TMEM232: variants seen among roughly 807,000 people sequenced by gnomAD.
The protein encoded by TMEM232 is transmembrane protein 232.
TMEM232 carries 80 observed loss-of-function variants against 78.8 expected under a neutral mutation model. That is an observed-to-expected ratio of 1.01 (90% confidence interval 0.85 to 1.22). The LOEUF is 1.22. Ranked by LOEUF, TMEM232 falls within the 50% of genes most tolerant of loss-of-function variation. The pLI, the probability that TMEM232 is intolerant of heterozygous loss-of-function variation, is 0.00. For missense variants in TMEM232, 881 were observed against 742.2 expected (o/e 1.19, Z -2.17); for synonymous variants, 297 against 254.3 (o/e 1.17, Z -1.60).
intron 2 of TMEM232, among the ~76,000 whole-genome samples, chr5:110,658,657 G>C (rs186045630): frequency 3.7e-4 from 57 of 152,202 alleles, no homozygotes; most frequent in Non-Finnish European, 6.6e-4. Flanking sequence ...TCTGTAAGAA[G>C]CCCACTTAGA....
At chr5:110,677,242 T>A (rs1414389710) in intron 1 of TMEM232, among the ~76,000 whole-genome samples, 1 of 140,906 alleles carries the variant, frequency 7.1e-6, no homozygotes, top group Non-Finnish European at 1.5e-5. Flanking sequence ...AATTGTCTAA[T>A]TTTTTTTTTC....
At chr5:110,550,911 A>G (rs1346423517) in intron 11 of TMEM232, among the ~76,000 whole-genome samples, 1 of 150,908 alleles carries the variant, frequency 6.6e-6, no homozygotes, top group Non-Finnish European at 1.5e-5. Flanking sequence ...AATCTAGAAC[A>G]GGGTTTGGCA....
At chr5:110,541,001 G>A (rs1773034248) in intron 11 of TMEM232, among the ~76,000 whole-genome samples, 1 of 152,130 alleles carries the variant, frequency 6.6e-6, no homozygotes, top group African/African-American at 2.4e-5. Context: ...AGAAGCCAAA[G>A]GCACAACCTT....
In TMEM232 at chr5:110,628,662, AGTGTGTGT is replaced by A. The variant is rs146531604; in HGVS notation, c.502-790_502-783del. On this transcript the variant is annotated intron_variant, in intron 5 of 13. Transcript: ENST00000455884. ...ATAACAGCAATAGCTGTCAGTATCC[AGTGTGTGT>A]GTGTGTGTGTGTGTGTGTGTGTGTG... is the stretch of plus-strand genomic sequence containing the variant. Among the ~76,000 whole-genome samples the A allele has an allele frequency of 7.0e-3, 987 of 140,808 alleles. 9 individuals are homozygous for A. The highest frequency in any genetic ancestry group is 0.024 in the African/African-American group (891 of 37,276). 92.4% of individuals were successfully genotyped at this position (140,808 alleles called of 152,430 possible).
At chr5:110,610,254 G>GGGAGGAAGGAAGGAAGGGAGGAA in intron 8 of TMEM232, among the ~76,000 whole-genome samples, 1 of 145,920 alleles carries the variant, frequency 6.9e-6, no homozygotes, top group African/African-American at 2.6e-5. Context: ...AAGGGAGGAA[G>GGGAGGAAGGAAGGAAGGGAGGAA]GGAGGAAGGG....
chr5:110,438,396 G>C (rs549312747), intron 12 of TMEM232, among the ~76,000 whole-genome samples: 2 of 151,480 alleles, frequency 1.3e-5, no homozygotes, highest in East Asian at 2.0e-4. Context: ...CCCAGCGAAG[G>C]GCCACTTAAA....
chr5:110,552,660 G>A (rs764665317), intron 11 of TMEM232, among the ~76,000 whole-genome samples: 1 of 151,830 alleles, frequency 6.6e-6, no homozygotes, highest in Admixed American at 6.6e-5. Context: ...ATAATAATAA[G>A]GACTCAAGCT....
chr5:110,415,482 C>T (rs758601891), downstream of TMEM232, among the ~76,000 whole-genome samples: 19 of 151,526 alleles, frequency 1.3e-4, no homozygotes, highest in Non-Finnish European at 7.4e-5. Flanking sequence ...CCACCGTGCC[C>T]GACCCCAACT....
chr5:110,605,354 T>A lies in TMEM232; in HGVS notation c.1031A>T (p.Glu344Val), dbSNP rs1781416027. The A allele has an allele frequency of 6.5e-7, 1 of 1,539,570 alleles. No individual in the cohort carries two copies. The change falls in exon 10 of 14, where the codon GAA becomes GTA. Residue 344 changes from glutamate (E) to valine (V), a missense_variant. Transcript: ENST00000455884. ...SSIMSVQNQE[E>V]SCKVDDFSWA... Reference sequence around the variant, plus strand: ...GGAAAAATCATCTACCTTGCAACTTTCTTCCTGAAATGAGAAAATAGATAT... The same window carrying A: ...GGAAAAATCATCTACCTTGCAACTTACTTCCTGAAATGAGAAAATAGATAT...
At chr5:110,472,538 G>T (rs957932203) in intron 12 of TMEM232, among the ~76,000 whole-genome samples, 2 of 151,544 alleles carry the variant, frequency 1.3e-5, no homozygotes, top group African/African-American at 4.8e-5. Flanking sequence ...TACAGAAATA[G>T]AAAAAATAGG....
At chr5:110,588,219 T>G (rs1030466438) in intron 10 of TMEM232, among the ~76,000 whole-genome samples, 1 of 152,148 alleles carries the variant, frequency 6.6e-6, no homozygotes, top group African/African-American at 2.4e-5. Flanking sequence ...GACATATATT[T>G]CATTCACTAC....
At chr5:110,523,262 T>C (rs1040004833) in intron 12 of TMEM232, among the ~76,000 whole-genome samples, 1 of 152,184 alleles carries the variant, frequency 6.6e-6, no homozygotes, top group East Asian at 1.9e-4. Context: ...TCTTCTTTCA[T>C]TTCTGATTCA....
chr5:110,605,962 T>C (rs187839713), intron 9 of TMEM232, among the ~76,000 whole-genome samples: 197 of 152,102 alleles, frequency 1.3e-3, no homozygotes, highest in Non-Finnish European at 1.1e-3. Context: ...CCAACCAAAA[T>C]ATAAATTTTA....
At chr5:110,700,719 C>T (rs1008226194) in intron 1 of TMEM232, among the ~76,000 whole-genome samples, 1 of 151,394 alleles carries the variant, frequency 6.6e-6, no homozygotes, top group African/African-American at 2.4e-5. Context: ...AAGTCATAAT[C>T]TGGGGGAAGT....
chr5:110,712,579 T>C (rs985502057), intron 1 of TMEM232, among the ~76,000 whole-genome samples: 4 of 152,148 alleles, frequency 2.6e-5, no homozygotes, highest in Non-Finnish European at 5.9e-5. Context: ...TTGCTTTACC[T>C]TGTGTAAAAA....
At chr5:110,493,229 T>G (rs1433838973) in intron 12 of TMEM232, among the ~76,000 whole-genome samples, 1 of 151,852 alleles carries the variant, frequency 6.6e-6, no homozygotes, top group Non-Finnish European at 1.5e-5. Flanking sequence ...TTCCTAGAGA[T>G]GAAAACTTAG....
At chr5:110,697,835 G>T (rs1286600692) in intron 1 of TMEM232, among the ~76,000 whole-genome samples, 2 of 152,268 alleles carry the variant, frequency 1.3e-5, no homozygotes, top group Admixed American at 1.3e-4. Flanking sequence ...TTACACTGTT[G>T]GTGGGACTGT....
At chr5:110,626,327 TAAG>T (rs1266285953) in intron 6 of TMEM232, among the ~76,000 whole-genome samples, 1 of 152,050 alleles carries the variant, frequency 6.6e-6, no homozygotes, top group African/African-American at 2.4e-5. Flanking sequence ...TGTGAGGAGT[TAAG>T]AAGTAGTTCT....
chr5:110,511,951 T>C (rs1479152733), intron 12 of TMEM232, among the ~76,000 whole-genome samples: 2 of 152,172 alleles, frequency 1.3e-5, no homozygotes, highest in Admixed American at 1.3e-4. Context: ...CATAGGAACC[T>C]GCACATTCTG....
Sources: gnomAD v4.1 joint callset for allele counts (sites outside exome capture counted in the v4.1 genomes callset) on GRCh38, gnomAD v4.1.1 for gene constraint, MANE v1.5 for transcripts, NCBI Gene and HGNC (gene_info 2026-07-23, HGNC 2026-07-21) for gene names.